The following SCN3A variants were observed in gnomAD, a reference collection of about 807,000 sequenced individuals.
SCN3A encodes sodium channel protein type 3 subunit alpha.
Under a neutral mutation model 187.6 loss-of-function variants are expected in SCN3A, and 60 were observed. The ratio of observed to expected loss-of-function variants is 0.32; its 90% CI spans 0.26 to 0.40. SCN3A has a LOEUF of 0.40. Ranked by LOEUF, SCN3A falls within the 10% of genes least tolerant of loss-of-function variation. The probability of loss-of-function intolerance (pLI) is 1.00; values close to 1 mark genes in which losing one functional copy is unlikely to be tolerated. For missense variants in SCN3A, 1,601 were observed against 2,428.2 expected (o/e 0.66, Z 7.16); for synonymous variants, 788 against 829.2 (o/e 0.95, Z 0.85).
intron 5 of SCN3A, among the ~76,000 whole-genome samples, chr2:165,165,420 C>T (rs1415490490): frequency 1.3e-5 from 2 of 152,160 alleles, no homozygotes; most frequent in African/African-American, 4.8e-5. Context: ...CAGCTACTAT[C>T]TCTATGCAAT....
chr2:165,187,830 GAC>G lies in SCN3A; in HGVS notation c.-247-1085_-247-1084del, dbSNP rs1441417138. Among the ~76,000 whole-genome samples, 9 of 152,224 alleles carry G rather than the reference GAC, an allele frequency of 5.9e-5. No individual in the cohort carries two copies. In the East Asian group the frequency reaches 1.7e-3, roughly 29 times the overall value. On this transcript the variant is annotated intron_variant, in intron 1 of 27. Coordinates refer to ENST00000283254, the MANE Select transcript of SCN3A (RefSeq NM_006922.4). Reference sequence around the variant, plus strand: ...CAAATGCTAATAATAATACCCATAAGACACACCTTGCATCAGAAATTGAGCAA... The same window carrying G: ...CAAATGCTAATAATAATACCCATAAGACACCTTGCATCAGAAATTGAGCAA...
Position 165,156,512 on chromosome 2 carries a change from C to CAAAA in SCN3A, c.1032-613_1032-610dup, listed in dbSNP as rs558407270. The stretch of plus-strand genomic sequence containing the variant: ...TGGGTGACAGAGCGAGACTCTGACT[C>CAAAA]AAAAAAAAAAAAAAAAAAAAAAAAA... On this transcript the variant is annotated intron_variant, in intron 9 of 27. Transcript: ENST00000283254. 1.1e-3 allele frequency among the ~76,000 whole-genome samples: 69 copies of CAAAA among 63,706 alleles called. 2 individuals carry two copies. The highest frequency in any genetic ancestry group is 1.4e-3 in the Non-Finnish European group (47 of 34,284). The allele number at this position is 63,706 out of a possible 152,430, so 41.8% of individuals were successfully genotyped here. A position where few individuals can be genotyped will look rare whatever the true frequency, so the allele number is the denominator to read the frequency against.
Position 165,162,331 on chromosome 2 carries a change from G to A in SCN3A, c.1008C>T (p.Leu336=). The A allele has an allele frequency of 2.5e-6, 4 of 1,612,934 alleles. No homozygotes were observed. Among genetic ancestry groups the A allele is most frequent in the Non-Finnish European group, 3.4e-6 (4 of 1,179,718 alleles). The change falls in exon 9 of 28, where the codon CTC becomes CTT. Residue 336 remains leucine, a synonymous_variant. Coordinates refer to ENST00000283254, the MANE Select transcript of SCN3A (RefSeq NM_006922.4). The stretch of plus-strand genomic sequence containing the variant: ...ACCCTGCATCTGAGCCATTTCCACA[G>A]AGTAAAGGGTCTTTTTGCCCATCCA... ...YVLDGQKDPL[L]CGNGSDAGQC...
At chr2:165,146,373 T>C (rs954423357) in intron 12 of SCN3A, among the ~76,000 whole-genome samples, 3 of 104,802 alleles carry the variant, frequency 2.9e-5, no homozygotes, top group Non-Finnish European at 4.0e-5. Context: ...GTAGGTTATA[T>C]ATATATATAT....
Position 165,199,425 on chromosome 2 carries a change from A to G in SCN3A, c.-248+4398T>C, listed in dbSNP as rs79472263. On this transcript the variant is annotated intron_variant, in intron 1 of 27. Coordinates refer to ENST00000283254, the MANE Select transcript of SCN3A (RefSeq NM_006922.4). ...TCATTTATACAACCACACCCAGCAT[A>G]TGTTTACATGTGCTGTATTTTAATA... 6.3e-3 allele frequency among the ~76,000 whole-genome samples: 952 copies of G among 152,088 alleles called. 6 individuals are homozygous for G. Among genetic ancestry groups the G allele is most frequent in the African/African-American group, 0.022 (909 of 41,556 alleles).
intron 11 of SCN3A, among the ~76,000 whole-genome samples, chr2:165,152,372 A>G (rs1319574770): frequency 6.6e-6 from 1 of 152,244 alleles, no homozygotes; most frequent in Non-Finnish European, 1.5e-5. Flanking sequence ...AATGTTTCAG[A>G]TGACAAATAC....
intron 1 of SCN3A, among the ~76,000 whole-genome samples, chr2:165,201,114 C>A (rs76943521): frequency 1.3e-5 from 2 of 152,004 alleles, no homozygotes; most frequent in South Asian, 4.1e-4. Flanking sequence ...CTTAAGGCAA[C>A]GTGAAATAAG....
chr2:165,135,672 A>G (rs184427984), intron 15 of SCN3A, among the ~76,000 whole-genome samples: 137 of 152,220 alleles, frequency 9.0e-4, no homozygotes, highest in African/African-American at 3.2e-3. Flanking sequence ...TTTATGATAA[A>G]GGTTGTTATG....
Position 165,156,949 on chromosome 2 carries a change from C to T in SCN3A, c.1032-1046G>A, listed in dbSNP as rs557315902. 1.7e-4 allele frequency among the ~76,000 whole-genome samples: 26 copies of T among 151,956 alleles called. No individual in the cohort carries two copies. In the South Asian group the frequency reaches 3.5e-3, roughly 21 times the overall value. ...GTTTTGAGATGTAGTCTCGTTCTGT[C>T]GCCCAAGCTGGAGTGCAGTGGTGCA... is the stretch of plus-strand genomic sequence containing the variant. On this transcript the variant is annotated intron_variant, in intron 9 of 27. Coordinates refer to ENST00000283254, the MANE Select transcript of SCN3A (RefSeq NM_006922.4).
Position 165,092,375 on chromosome 2 carries a change from G to A in SCN3A, c.4686C>T (p.Asn1562=). The A allele has an allele frequency of 1.9e-6, 3 of 1,613,936 alleles. No homozygotes were observed. Among genetic ancestry groups the A allele is most frequent in the Non-Finnish European group, 2.5e-6 (3 of 1,179,952 alleles). ...KYMTLVLSRI[N]LVFIVLFTGE... ...CAGTGAACAGAACAATGAACACTAG[G>A]TTGATCCGGGACAAAACTAGGGTCA... Residue 1562 remains asparagine (N), a synonymous_variant, in exon 27 of 28, where the codon AAC becomes AAT. Transcript: ENST00000283254. The surrounding 1 kb of genome is among the most constrained non-coding windows in gnomAD (Gnocchi z 4.2).
chr2:165,126,100 T>C (rs1686974124), intron 18 of SCN3A, among the ~76,000 whole-genome samples: 1 of 152,142 alleles, frequency 6.6e-6, no homozygotes, highest in African/African-American at 2.4e-5. Context: ...ATACACTTAT[T>C]TAAAAAAAAG....
intron 15 of SCN3A, among the ~76,000 whole-genome samples, chr2:165,134,084 A>G (rs1181903014): frequency 3.9e-5 from 6 of 152,180 alleles, no homozygotes; most frequent in Admixed American, 1.3e-4. Flanking sequence ...TAGAGCAAGA[A>G]GCTGCAGATT....
At chr2:165,175,228 T>C (rs1239973366) in intron 3 of SCN3A, among the ~76,000 whole-genome samples, 2 of 152,230 alleles carry the variant, frequency 1.3e-5, no homozygotes, top group Non-Finnish European at 2.9e-5. Context: ...TACTAATTTA[T>C]CTTTAGTTTC....
At chr2:165,112,721 C>T (rs1482776061) in intron 21 of SCN3A, among the ~76,000 whole-genome samples, 164 bp downstream of exon 21, 2 of 152,200 alleles carry the variant, frequency 1.3e-5, no homozygotes, top group Non-Finnish European at 1.5e-5. Context: ...ACCTCCTCTA[C>T]TCTTTCCCAT....
rs1184968994 is a variant in SCN3A, at chr2:165,090,209, C to T, written c.5944G>A (p.Glu1982Lys). 2.5e-6 allele frequency: 4 copies of T among 1,606,142 alleles called. No individual in the cohort carries two copies. The highest frequency in any genetic ancestry group is 1.1e-5 in the South Asian group (1 of 90,312). Reference sequence around the variant, plus strand: ...CTTTCTTTTTCTGGTTTGTCTTTCTCAAACTTTTCCTTGTCTGGTTTTGTT... The same window carrying T: ...CTTTCTTTTTCTGGTTTGTCTTTCTTAAACTTTTCCTTGTCTGGTTTTGTT... ...SVTKPDKEKF[E>K]KDKPEKESKG... The change falls in exon 28 of 28, where the codon GAG becomes AAG. Residue 1982 changes from glutamate to lysine, a missense_variant. Physicochemically the swap from Glu to Lys is moderately conservative, Grantham distance 56. Transcript: ENST00000283254. The surrounding 1 kb of genome is among the most constrained non-coding windows in gnomAD (Gnocchi z 4.0).
intron 18 of SCN3A, among the ~76,000 whole-genome samples, chr2:165,121,579 A>C (rs1559200934): frequency 6.6e-6 from 1 of 152,012 alleles, no homozygotes; most frequent in Admixed American, 6.6e-5. Context: ...TTTATTTCTC[A>C]TTTTTTTTGC....
At chr2:165,114,043 TTCC>T in intron 19 of SCN3A, 73 bp from the exon 20 acceptor site, 1 of 924,302 alleles carries the variant, frequency 1.1e-6, no homozygotes, top group Non-Finnish European at 1.6e-6. Context: ...TTCTTGCCCC[TTCC>T]CCACTCCACT....
At position 165,140,923 on chromosome 2, in the gene SCN3A, G is replaced by A. The variant is rs745365212; in HGVS notation, c.1747C>T (p.Arg583Trp). ...SKTSIFSFRG[R>W]AKDVGSENDF... is the part of the protein sequence containing the mutation. ...TTTTCAGATCCAACATCCTTTGCCC[G>A]ACCTCTGAAACTGAAAATGCTTGTT... is the stretch of plus-strand genomic sequence containing the variant. The change falls in exon 13 of 28, where the codon CGG becomes TGG. Residue 583 changes from arginine (R) to tryptophan (W), a missense_variant. Coordinates refer to ENST00000283254, the MANE Select transcript of SCN3A (RefSeq NM_006922.4). This position sits in a 1 kb window ranked among gnomAD's most constrained non-coding sequence, Gnocchi z 4.2. The A allele has an allele frequency of 3.7e-6, 6 of 1,614,006 alleles. No homozygotes were observed. The highest frequency in any genetic ancestry group is 3.3e-5 in the South Asian group (3 of 91,072).
chr2:165,100,477 GA>G, intron 21 of SCN3A, 53 bp from the exon 22 acceptor site: 1 of 1,569,460 alleles, frequency 6.4e-7, no homozygotes, highest in Non-Finnish European at 8.7e-7. Flanking sequence ...ACTGTTGACT[GA>G]AGGTATAGGG....
Sources: gnomAD v4.1 joint callset for allele counts (sites outside exome capture counted in the v4.1 genomes callset) on GRCh38, gnomAD v4.1.1 for gene constraint, Gnocchi (gnomAD v3.1) non-coding constraint, MANE v1.5 for transcripts, NCBI Gene and HGNC (gene_info 2026-07-23, HGNC 2026-07-21) for gene names.